MAMDC2: variants seen among roughly 807,000 people sequenced by gnomAD.
MAMDC2 encodes MAM domain containing 2, also known as MAM domain-containing protein 2.
MAMDC2 carries 57 observed loss-of-function variants against 89.8 expected under a neutral mutation model. The observed-to-expected ratio is 0.63, with a 90% CI of 0.51 to 0.79. The LOEUF (loss-of-function observed/expected upper bound fraction) is 0.79. Among genes scored for constraint, MAMDC2 ranks in the 30% least tolerant of loss-of-function variants. The pLI is 0.00. For missense variants in MAMDC2, 800 were observed against 820.6 expected (o/e 0.97, Z 0.31); for synonymous variants, 313 against 293.4 (o/e 1.07, Z -0.68).
At chr9:70,096,585 C>T (rs1189884486) in intron 2 of MAMDC2, among the ~76,000 whole-genome samples, 1 of 152,184 alleles carries the variant, frequency 6.6e-6, no homozygotes, top group African/African-American at 2.4e-5. Context: ...GGTGGCACAG[C>T]AATGTCATTC....
At chr9:70,096,396 A>C (rs567461448) in intron 2 of MAMDC2, among the ~76,000 whole-genome samples, 1 of 152,298 alleles carries the variant, frequency 6.6e-6, no homozygotes, top group East Asian at 1.9e-4. Context: ...CCTGTTCTTA[A>C]AGTGGCCATT....
chr9:70,107,892 A>G (rs151075250), intron 2 of MAMDC2, among the ~76,000 whole-genome samples: 4 of 152,312 alleles, frequency 2.6e-5, no homozygotes, highest in Admixed American at 6.5e-5. Flanking sequence ...CTGGTGTAAA[A>G]GAATAAAAAG....
intron 4 of MAMDC2, among the ~76,000 whole-genome samples, chr9:70,111,749 G>A (rs556597983): frequency 6.6e-6 from 1 of 152,218 alleles, no homozygotes; most frequent in Admixed American, 6.5e-5. Context: ...GGAAACAGAG[G>A]GTACAGTCAA....
At chr9:70,098,210 C>T (rs1474234965) in intron 2 of MAMDC2, among the ~76,000 whole-genome samples, 1 of 152,164 alleles carries the variant, frequency 6.6e-6, no homozygotes. Flanking sequence ...GGTCTCTGGA[C>T]CACCAGTGCT....
intron 5 of MAMDC2, among the ~76,000 whole-genome samples, chr9:70,117,331 G>A (rs1239427145): frequency 6.6e-6 from 1 of 152,124 alleles, no homozygotes; most frequent in Non-Finnish European, 1.5e-5. Context: ...GCAGGGACAT[G>A]GATGAAACTG....
chr9:70,064,553 G>A lies in MAMDC2; in HGVS notation c.148+19856G>A, dbSNP rs954349848. On this transcript the variant is annotated intron_variant, in intron 2 of 13. Transcript: ENST00000377182. Reference sequence around the variant, plus strand: ...TTCTGAAACTGCGTTTGCACTTGGAGACAAAGAGAAGGGGTGTGTGTGTGA... The same window carrying A: ...TTCTGAAACTGCGTTTGCACTTGGAAACAAAGAGAAGGGGTGTGTGTGTGA... Among the ~76,000 whole-genome samples the A allele has an allele frequency of 4.5e-4, 69 of 152,146 alleles. 1 individual carries two copies. Among genetic ancestry groups the A allele is most frequent in the Admixed American group, 3.2e-3 (49 of 15,250 alleles).
intron 9 of MAMDC2, among the ~76,000 whole-genome samples, chr9:70,166,426 T>C (rs938637386): frequency 1.3e-5 from 2 of 151,938 alleles, no homozygotes; most frequent in Non-Finnish European, 2.9e-5. Context: ...AACATAATTG[T>C]TGTAAATTTG....
At chr9:70,146,395 G>A (rs2031405217) in intron 9 of MAMDC2, among the ~76,000 whole-genome samples, 1 of 152,146 alleles carries the variant, frequency 6.6e-6, no homozygotes, top group Non-Finnish European at 1.5e-5. Context: ...AGAAAACTCT[G>A]GCTACATGTC....
At chr9:70,149,670 C>T (rs554292696) in intron 9 of MAMDC2, among the ~76,000 whole-genome samples, 3 of 152,276 alleles carry the variant, frequency 2.0e-5, no homozygotes, top group South Asian at 2.1e-4. Flanking sequence ...ATCAGTTGGG[C>T]GGTGCATCTA....
intron 9 of MAMDC2, among the ~76,000 whole-genome samples, chr9:70,145,737 A>T (rs2148862): frequency 0.2 from 30,991 of 151,978 alleles, 3,352 homozygotes; most frequent in East Asian, 0.34. Flanking sequence ...GATTTAATTA[A>T]TTATTTATTT....
intron 3 of MAMDC2, 93 bp from the exon 4 acceptor site, chr9:70,109,627 G>A (rs1828444634): frequency 9.8e-7 from 1 of 1,019,762 alleles, no homozygotes; most frequent in East Asian, 2.4e-5. Context: ...GCCTTAAGTG[G>A]CTGAACAGCT....
intron 2 of MAMDC2, among the ~76,000 whole-genome samples, chr9:70,079,953 G>A (rs1827617222): frequency 6.6e-6 from 1 of 152,158 alleles, no homozygotes; most frequent in African/African-American, 2.4e-5. Context: ...GTTAGATGTT[G>A]TGTAATTACA....
chr9:70,089,346 G>A (rs1827838065), intron 2 of MAMDC2: 1 of 152,148 alleles, frequency 6.6e-6, no homozygotes, highest in East Asian at 1.9e-4. Flanking sequence ...AGCTTCATAC[G>A]TCATCCATTT....
chr9:70,188,194 T>C (rs560279362), intron 11 of MAMDC2, among the ~76,000 whole-genome samples: 2 of 152,306 alleles, frequency 1.3e-5, no homozygotes, highest in Admixed American at 1.3e-4. Context: ...GCAACTTATT[T>C]GTATATTTGA....
chr9:70,063,599 A>G (rs1244242484), intron 2 of MAMDC2, among the ~76,000 whole-genome samples: 1 of 152,236 alleles, frequency 6.6e-6, no homozygotes, highest in Non-Finnish European at 1.5e-5. Context: ...TCTTTTGAAA[A>G]TAATGTTAAT....
rs41283669 is a variant in MAMDC2, at chr9:70,044,010, C to T, written c.-188C>T. ...CGCTCTCCATTCGAGCACCTTCCAG[C>T]ATACCGCTCGGCTCCGGGAGCCGCT... is the stretch of plus-strand genomic sequence containing the variant. On this transcript the variant is annotated 5_prime_UTR_variant, in exon 1 of 14. Transcript: ENST00000377182. 2 of 656,710 alleles carry T rather than the reference C, an allele frequency of 3.0e-6. No homozygotes were observed. The highest frequency in any genetic ancestry group is 5.3e-6 in the Non-Finnish European group (2 of 378,988). 40.7% of individuals were successfully genotyped at this position (656,710 alleles called of 1,614,324 possible). A position where few individuals can be genotyped will look rare whatever the true frequency, so the allele number is the denominator to read the frequency against.
Position 70,218,412 on chromosome 9 carries a change from G to A in MAMDC2, c.1727G>A (p.Gly576Glu). The A allele has an allele frequency of 6.2e-7, 1 of 1,614,200 alleles. No individual in the cohort carries two copies. The highest frequency in any genetic ancestry group is 8.5e-7 in the Non-Finnish European group (1 of 1,180,024). Reference protein sequence around the residue: ...KARLLSRPLRGVSGKHCLTFF... With the variant: ...KARLLSRPLREVSGKHCLTFF... ...CGCCTCTTGTCCAGGCCTCTGCGAGGAGTCTCTGGAAAACACTGCTTGACC... is the reference window on the plus strand; with the variant it reads ...CGCCTCTTGTCCAGGCCTCTGCGAGAAGTCTCTGGAAAACACTGCTTGACC... Residue 576 changes from glycine to glutamate, a missense_variant, in exon 12 of 14, where the codon GGA (glycine) becomes GAA (glutamate). Transcript: ENST00000377182.
chr9:70,082,604 A>AAT (rs1827678557), intron 2 of MAMDC2: 1 of 152,174 alleles, frequency 6.6e-6, no homozygotes, highest in African/African-American at 2.4e-5. Context: ...GGTATTTTTA[A>AAT]ATATATATAT....
chr9:70,086,919 C>T (rs1018893056), intron 2 of MAMDC2: 5 of 152,176 alleles, frequency 3.3e-5, no homozygotes, highest in African/African-American at 1.2e-4. Context: ...AGAGCTAGTC[C>T]CTCAGAATGC....
Sources: allele counts gnomAD v4.1 joint callset (sites outside exome capture counted in the v4.1 genomes callset), GRCh38; gene constraint gnomAD v4.1.1; transcripts MANE v1.5; gene names NCBI Gene and HGNC (gene_info 2026-07-23, HGNC 2026-07-21).